Variants in SIK3 observed in about 807,000 individuals in gnomAD.
SIK3 encodes serine/threonine-protein kinase SIK3.
SIK3 carries 28 observed loss-of-function variants against 144.2 expected under a neutral mutation model. The observed-to-expected ratio is 0.19, with a 90% CI of 0.14 to 0.27. SIK3 has a LOEUF of 0.27. SIK3 is among the 10% of genes least tolerant of loss of function. The pLI is 1.00. For missense variants in SIK3, 1,319 were observed against 1,776.0 expected (o/e 0.74, Z 4.62); for synonymous variants, 686 against 676.3 (o/e 1.01, Z -0.22).
At chr11:116,968,877 T>C (rs931196647) in intron 1 of SIK3, among the ~76,000 whole-genome samples, 8 of 152,236 alleles carry the variant, frequency 5.3e-5, no homozygotes, top group Non-Finnish European at 7.3e-5. Flanking sequence ...CCAACTATTA[T>C]ACTATTAGCC....
chr11:116,976,818 A>G (rs1288268621), intron 1 of SIK3, among the ~76,000 whole-genome samples: 1 of 152,240 alleles, frequency 6.6e-6, no homozygotes, highest in Non-Finnish European at 1.5e-5. Flanking sequence ...GTAGACAAAT[A>G]TTAAAAATTG....
intron 21 of SIK3, among the ~76,000 whole-genome samples, chr11:116,855,919 C>T (rs996605141): frequency 1.3e-5 from 2 of 152,186 alleles, no homozygotes; most frequent in African/African-American, 2.4e-5. Flanking sequence ...TGAGCTCAGC[C>T]GGGCGCGGTG....
intron 1 of SIK3, among the ~76,000 whole-genome samples, chr11:117,068,340 A>G (rs1266691125): frequency 1.3e-5 from 2 of 152,122 alleles, no homozygotes; most frequent in African/African-American, 2.4e-5. Context: ...AAATTCATCT[A>G]TTCTCCACCA....
intron 4 of SIK3, among the ~76,000 whole-genome samples, chr11:116,897,895 AG>A (rs1395534346): frequency 6.6e-6 from 1 of 151,826 alleles, no homozygotes; most frequent in Non-Finnish European, 1.5e-5. Context: ...AAAAAAAAAA[AG>A]AATGCAAATG....
chr11:117,051,808 C>G (rs1317691154), intron 1 of SIK3, among the ~76,000 whole-genome samples: 1 of 151,886 alleles, frequency 6.6e-6, no homozygotes, highest in Non-Finnish European at 1.5e-5. Flanking sequence ...GGATTACAGG[C>G]ATGAGCTACA....
chr11:117,089,807 C>G (rs554148755), intron 1 of SIK3, among the ~76,000 whole-genome samples: 242 of 152,318 alleles, frequency 1.6e-3, no homozygotes, highest in African/African-American at 4.8e-3. Flanking sequence ...CACAGACAAG[C>G]TTCAACAGGC....
chr11:116,969,094 T>A (rs929073706), intron 1 of SIK3, among the ~76,000 whole-genome samples: 1 of 151,808 alleles, frequency 6.6e-6, no homozygotes, highest in Non-Finnish European at 1.5e-5. Context: ...ATTGAGACCA[T>A]CCTGGCTAAC....
chr11:116,923,524 A>G (rs954536581), intron 4 of SIK3, among the ~76,000 whole-genome samples: 3 of 152,228 alleles, frequency 2.0e-5, no homozygotes, highest in Non-Finnish European at 4.4e-5. Context: ...GGTGAGAATG[A>G]TAATTCTATT....
intron 2 of SIK3, among the ~76,000 whole-genome samples, chr11:116,956,078 G>A (rs1949126922): frequency 6.6e-6 from 1 of 152,148 alleles, no homozygotes; most frequent in Non-Finnish European, 1.5e-5. Context: ...AGAACTAAGA[G>A]ATGGCTGTTC....
intron 3 of SIK3, among the ~76,000 whole-genome samples, chr11:116,928,954 C>T (rs1214021108): frequency 6.6e-6 from 1 of 152,172 alleles, no homozygotes; most frequent in Admixed American, 6.5e-5. Context: ...AGAAGTCTTC[C>T]ACTTAGCAGT....
chr11:116,880,124 G>A (rs558794818), intron 6 of SIK3, among the ~76,000 whole-genome samples: 35 of 152,090 alleles, frequency 2.3e-4, no homozygotes, highest in African/African-American at 7.7e-4. Flanking sequence ...TTTTTCCAAG[G>A]CAATTTCCTT....
chr11:117,089,642 C>CAA (rs1955159642), intron 1 of SIK3, among the ~76,000 whole-genome samples: 1 of 152,218 alleles, frequency 6.6e-6, no homozygotes, highest in African/African-American at 2.4e-5. Flanking sequence ...ACATTCAATT[C>CAA]TGGGGGGAGC....
rs774524530 is a variant in SIK3 at position 116,849,430 on chromosome 11, C to T, written c.3656-147G>A. The T allele has an allele frequency of 2.4e-4, 237 of 1,006,798 alleles. No individual in the cohort carries two copies. The highest frequency in any genetic ancestry group is 9.8e-5 in the Non-Finnish European group (68 of 692,948). 62.4% of individuals were successfully genotyped at this position (1,006,798 alleles called of 1,614,324 possible). A position where few individuals can be genotyped will look rare whatever the true frequency, so the allele number is the denominator to read the frequency against. On this transcript the variant is annotated intron_variant, in intron 21 of 24. Transcript: ENST00000445177. The surrounding 1 kb of genome is among the most constrained non-coding windows in gnomAD (Gnocchi z 4.2). ...CGCTGATCCTCAGCCGGCGTCATGG[C>T]TTAGAGGAGCCTGGACCAGCCCTCC...
chr11:116,947,412 G>A (rs769677530), intron 3 of SIK3, among the ~76,000 whole-genome samples: 76 of 149,430 alleles, frequency 5.1e-4, no homozygotes, highest in Non-Finnish European at 9.2e-4. Flanking sequence ...TCAAAACTAA[G>A]AGCTTTAGAA....
rs540372308 is a variant in SIK3 at position 117,022,326 on chromosome 11, T to C, written c.274-65262A>G. 8.1e-4 allele frequency among the ~76,000 whole-genome samples: 123 copies of C among 152,292 alleles called. 1 individual carries two copies. Among genetic ancestry groups the C allele is most frequent in the African/African-American group, 2.9e-3 (121 of 41,578 alleles). ...TAATATCTATGCATTTCCTGGTATA[T>C]AAATTTTACCTAAAAAGTTTAAGAG... On this transcript the variant is annotated intron_variant, in intron 1 of 24. Transcript: ENST00000445177.
At chr11:116,904,045 G>C (rs1200592034) in intron 4 of SIK3, among the ~76,000 whole-genome samples, 1 of 152,068 alleles carries the variant, frequency 6.6e-6, no homozygotes, top group Admixed American at 6.5e-5. Context: ...TCTTTTATAA[G>C]TCTCTAAGTA....
chr11:116,899,584 C>T (rs1226416203), intron 4 of SIK3, among the ~76,000 whole-genome samples: 1 of 152,208 alleles, frequency 6.6e-6, no homozygotes, highest in African/African-American at 2.4e-5. Flanking sequence ...AGAATGCTTA[C>T]ATTTTAATTT....
At chr11:117,079,767 T>C (rs1393589595) in intron 1 of SIK3, among the ~76,000 whole-genome samples, 3 of 151,918 alleles carry the variant, frequency 2.0e-5, no homozygotes, top group Non-Finnish European at 4.4e-5. Flanking sequence ...AATCTGACTA[T>C]AAAAATAAAA....
intron 1 of SIK3, among the ~76,000 whole-genome samples, chr11:117,001,443 T>C (rs778349614): frequency 1.3e-5 from 2 of 151,712 alleles, no homozygotes. Context: ...GAGGTGGAGG[T>C]TGCAGTGAGC....
Sources: allele counts gnomAD v4.1 joint callset (sites outside exome capture counted in the v4.1 genomes callset), GRCh38; gene constraint gnomAD v4.1.1; non-coding constraint Gnocchi (gnomAD v3.1); transcripts MANE v1.5; gene names NCBI Gene and HGNC (gene_info 2026-07-23, HGNC 2026-07-21).